The following TNS3 variants were observed in gnomAD, a reference collection of about 807,000 sequenced individuals.
TNS3 encodes tensin-3.
In TNS3, 45 loss-of-function variants were observed where a neutral mutation model predicts 140.9. The observed-to-expected ratio is 0.32, with a 90% CI of 0.25 to 0.41. The LOEUF (loss-of-function observed/expected upper bound fraction) is 0.41. Ranked by LOEUF, TNS3 falls within the 10% of genes least tolerant of loss-of-function variation. TNS3 has a pLI of 1.00. For synonymous variants in TNS3, 815 were observed against 788.4 expected (o/e 1.03, Z -0.56); for missense variants, 1,716 against 1,906.7 (o/e 0.90, Z 1.86).
chr7:47,346,646 C>T (rs1297025797), intron 17 of TNS3, among the ~76,000 whole-genome samples: 1 of 152,174 alleles, frequency 6.6e-6, no homozygotes, highest in Admixed American at 6.5e-5. Context: ...CCCAGACTCA[C>T]TCTCAGTGCT....
Position 47,524,218 on chromosome 7 carries a change from G to T in TNS3, c.-153+4818C>A. ...GGCCTGGCAGACCAGGCCCTTTCAC[G>T]TACACCCCTCCCCGAGTCCCAGCTC... On this transcript the variant is annotated intron_variant, in intron 2 of 30. Transcript: ENST00000311160. 1.3e-5 allele frequency among the ~76,000 whole-genome samples: 2 copies of T among 152,160 alleles called. 1 individual carries two copies. Among genetic ancestry groups the T allele is most frequent in the Non-Finnish European group, 2.9e-5 (2 of 68,026 alleles).
intron 4 of TNS3, among the ~76,000 whole-genome samples, chr7:47,457,611 A>G (rs1221798057): frequency 6.6e-6 from 1 of 152,104 alleles, no homozygotes; most frequent in Non-Finnish European, 1.5e-5. Context: ...CATCACCACC[A>G]TGGTTTCCTG....
chr7:47,345,176 C>G (rs1789262793), intron 18 of TNS3, 138 bp from the exon 19 acceptor site: 1 of 653,276 alleles, frequency 1.5e-6, no homozygotes, highest in African/African-American at 1.8e-5. Flanking sequence ...AGGCTGAGGT[C>G]TGGATCCACT....
At chr7:47,470,528 G>A in intron 4 of TNS3, 2 of 985,420 alleles carry the variant, frequency 2.0e-6, no homozygotes, top group Non-Finnish European at 2.4e-6. Flanking sequence ...GGTGAGTCCA[G>A]GGACCACACG....
At chr7:47,381,403 C>G (rs1008898194) in intron 16 of TNS3, among the ~76,000 whole-genome samples, 35 of 152,184 alleles carry the variant, frequency 2.3e-4, no homozygotes, top group Non-Finnish European at 3.8e-4. Context: ...TCATCTCAGC[C>G]TCATTACATT....
At position 47,481,690 on chromosome 7, in the gene TNS3, G is replaced by C. The variant is rs1797425527; in HGVS notation, c.-114-549C>G. 6.1e-6 allele frequency: 6 copies of C among 985,302 alleles called. No homozygotes were observed. The South Asian group carries it at 1.9e-4, about 31-fold the overall frequency. 61.0% of individuals were successfully genotyped at this position (985,302 alleles called of 1,614,324 possible). On this transcript the variant is annotated intron_variant, in intron 3 of 30. Transcript: ENST00000311160. ...TTCCGCACAAGAGACGGGGAGAGGA[G>C]ACTTTGACTCCACCATAGTCTCTGA...
At chr7:47,542,439 A>G (rs1023013718) in intron 1 of TNS3, among the ~76,000 whole-genome samples, 19 of 152,146 alleles carry the variant, frequency 1.2e-4, no homozygotes, top group Non-Finnish European at 1.6e-4. Context: ...TCCTGGCAGG[A>G]TCCAGCCCTG....
At position 47,490,584 on chromosome 7, in the gene TNS3, G is replaced by C. The variant is rs188193471; in HGVS notation, c.-114-9443C>G. Reference sequence around the variant, plus strand: ...CGAAGCCTGGCCTTAGACAGCTGCAGTTGCCGCCTTCGCCTGGAGCATCCC... The same window carrying C: ...CGAAGCCTGGCCTTAGACAGCTGCACTTGCCGCCTTCGCCTGGAGCATCCC... On this transcript the variant is annotated intron_variant, in intron 3 of 30. Transcript: ENST00000311160. Among the ~76,000 whole-genome samples, 8 of 152,366 alleles carry C rather than the reference G, an allele frequency of 5.3e-5. No individual in the cohort carries two copies. The East Asian group carries it at 1.5e-3, about 29-fold the overall frequency.
At chr7:47,465,848 C>A (rs1796688611) in intron 4 of TNS3, among the ~76,000 whole-genome samples, 1 of 151,432 alleles carries the variant, frequency 6.6e-6, no homozygotes, top group African/African-American at 2.4e-5. Flanking sequence ...TGCTTGAACA[C>A]AAGAGGCGGA....
chr7:47,320,843 T>A (rs1048066742), intron 20 of TNS3, among the ~76,000 whole-genome samples: 1 of 152,166 alleles, frequency 6.6e-6, no homozygotes, highest in Non-Finnish European at 1.5e-5. Flanking sequence ...AGCCCCTCTA[T>A]AAATGGCAGG....
At chr7:47,285,754 C>A (rs1398959320) in intron 27 of TNS3, among the ~76,000 whole-genome samples, 1 of 152,188 alleles carries the variant, frequency 6.6e-6, no homozygotes, top group Non-Finnish European at 1.5e-5. Context: ...CATAGGATAG[C>A]TAACCTTCAG....
At chr7:47,297,906 C>T (rs1229556885) in intron 23 of TNS3, among the ~76,000 whole-genome samples, 2 of 151,414 alleles carry the variant, frequency 1.3e-5, no homozygotes, top group Non-Finnish European at 2.9e-5. Context: ...CCTGCCTCAG[C>T]CTCCGGAGTA....
chr7:47,552,055 T>A (rs1415798202), intron 1 of TNS3, among the ~76,000 whole-genome samples: 1 of 150,464 alleles, frequency 6.6e-6, no homozygotes, highest in Non-Finnish European at 1.5e-5. Context: ...CCCACCATAT[T>A]TATCTGCATA....
chr7:47,562,265 C>CA (rs888112224), intron 1 of TNS3, among the ~76,000 whole-genome samples: 70 of 151,140 alleles, frequency 4.6e-4, no homozygotes, highest in Non-Finnish European at 2.4e-4. Context: ...CAGAGTTCTG[C>CA]AAAAAAAATC....
At chr7:47,541,849 T>A (rs935708047) in intron 1 of TNS3, among the ~76,000 whole-genome samples, 2 of 151,410 alleles carry the variant, frequency 1.3e-5, no homozygotes, top group African/African-American at 4.9e-5. Flanking sequence ...CCCGGGAGGC[T>A]GAGGCAGAAG....
chr7:47,392,952 T>C (rs1792614099), intron 16 of TNS3, among the ~76,000 whole-genome samples: 1 of 152,154 alleles, frequency 6.6e-6, no homozygotes, highest in Non-Finnish European at 1.5e-5. Flanking sequence ...AGGGAGAACT[T>C]GGAAACCCTG....
Position 47,500,096 on chromosome 7 carries a change from C to T in TNS3, c.-115+6811G>A, listed in dbSNP as rs572683595. ...TCAAACATTAAAACACACACACACACGCACACACACACACACTTGGCAAAC... is the reference window on the plus strand; with the variant it reads ...TCAAACATTAAAACACACACACACATGCACACACACACACACTTGGCAAAC... On this transcript the variant is annotated intron_variant, in intron 3 of 30. Coordinates refer to ENST00000311160, the MANE Select transcript of TNS3 (RefSeq NM_022748.12). 8.5e-5 allele frequency among the ~76,000 whole-genome samples: 13 copies of T among 152,180 alleles called. 1 individual carries two copies. The highest frequency in any genetic ancestry group is 2.4e-4 in the African/African-American group (10 of 41,532).
At chr7:47,393,910 TG>T (rs1299781080) in intron 16 of TNS3, among the ~76,000 whole-genome samples, 1 of 151,998 alleles carries the variant, frequency 6.6e-6, no homozygotes, top group African/African-American at 2.4e-5. Context: ...CTCCATCTTT[TG>T]CATGGCAATG....
chr7:47,284,430 C>T (rs1461940854), intron 27 of TNS3, among the ~76,000 whole-genome samples: 1 of 152,188 alleles, frequency 6.6e-6, no homozygotes, highest in African/African-American at 2.4e-5. Context: ...TCCTGGCTCC[C>T]CATGCTGCCA....
Sources: allele counts gnomAD v4.1 joint callset (sites outside exome capture counted in the v4.1 genomes callset), GRCh38; gene constraint gnomAD v4.1.1; transcripts MANE v1.5; gene names NCBI Gene and HGNC (gene_info 2026-07-23, HGNC 2026-07-21).